The following RECK variants were observed in gnomAD, a reference collection of about 807,000 sequenced individuals.
RECK encodes the protein reversion-inducing cysteine-rich protein with Kazal motifs.
Under a neutral mutation model 115.1 loss-of-function variants are expected in RECK, and 69 were observed. That is an observed-to-expected ratio of 0.60 (90% CI 0.49 to 0.73). The LOEUF (loss-of-function observed/expected upper bound fraction) is 0.73, where lower values mean the gene tolerates loss of function less well. RECK is among the 30% of genes least tolerant of loss of function. The pLI is 0.00. For missense variants in RECK, 1,047 were observed against 1,203.7 expected, an observed-to-expected ratio of 0.87 and a Z score of 1.93; for synonymous variants, 414 against 419.7, an observed-to-expected ratio of 0.99 and a Z score of 0.17.
At chr9:36,106,218 A>G (rs1823807597) in intron 13 of RECK, among the ~76,000 whole-genome samples, 1 of 151,550 alleles carries the variant, frequency 6.6e-6, no homozygotes, top group African/African-American at 2.4e-5. Context: ...TCAAAAAAAA[A>G]AAAAAAAGAT....
At chr9:36,082,152 TTCTCTCTC>T (rs71508008) in intron 7 of RECK, among the ~76,000 whole-genome samples, 2,595 of 113,706 alleles carry the variant, frequency 0.023, 84 homozygotes, top group African/African-American at 0.076. Flanking sequence ...CCTCCCTGCT[TTCTCTCTC>T]TCTCTCTCTC....
At chr9:36,102,772 G>C (rs1390462950) in intron 12 of RECK, among the ~76,000 whole-genome samples, 2 of 151,878 alleles carry the variant, frequency 1.3e-5, no homozygotes, top group African/African-American at 4.8e-5. Flanking sequence ...TGGCTGACAT[G>C]GTGAGACCCC....
intron 1 of RECK, among the ~76,000 whole-genome samples, chr9:36,046,549 G>A (rs139469796): frequency 6.6e-6 from 1 of 152,330 alleles, no homozygotes; most frequent in Non-Finnish European, 1.5e-5. Flanking sequence ...CCCCTGTCCT[G>A]TTCGTGGAGA....
intron 12 of RECK, among the ~76,000 whole-genome samples, chr9:36,104,326 ATTTTTTTTTTTTTTTT>A (rs869033299): frequency 3.6e-5 from 1 of 27,508 alleles, no homozygotes; most frequent in African/African-American, 2.1e-4. Context: ...ATATATATAT[ATTTTTTTTTTTTTTTT>A]TTTTTTTTTT....
chr9:36,055,162 G>A (rs1436960493), intron 2 of RECK, among the ~76,000 whole-genome samples: 2 of 152,234 alleles, frequency 1.3e-5, no homozygotes, highest in South Asian at 2.1e-4. Flanking sequence ...ATTCTAGTAT[G>A]TATTCTGAAT....
chr9:36,100,395 T>C lies in RECK; in HGVS notation c.1150T>C (p.Leu384=). The C allele has an allele frequency of 1.2e-6, 2 of 1,614,128 alleles. No individual in the cohort carries two copies. Among genetic ancestry groups the C allele is most frequent in the Non-Finnish European group, 1.7e-6 (2 of 1,180,010 alleles). Residue 384 remains leucine, a synonymous_variant, in exon 11 of 21, where the codon TTG becomes CTG. Coordinates refer to ENST00000377966, the MANE Select transcript of RECK (RefSeq NM_021111.3). Reference sequence around the variant, plus strand: ...TCAAGGAGCCATGAATGACATGAAGTTGTGGGAGAAAGGAAGCATAAAGAT... The same window carrying C: ...TCAAGGAGCCATGAATGACATGAAGCTGTGGGAGAAAGGAAGCATAAAGAT... The part of the protein sequence containing the change: ...SDQGAMNDMK[L]WEKGSIKMPF...
chr9:36,049,177 A>G (rs923922733), intron 1 of RECK, among the ~76,000 whole-genome samples: 6 of 152,192 alleles, frequency 3.9e-5, no homozygotes, highest in Admixed American at 3.3e-4. Context: ...CAGTACATCA[A>G]TGTGTTCAAC....
chr9:36,121,441 G>T, intron 19 of RECK, 92 bp from the exon 20 acceptor site: 2 of 1,251,908 alleles, frequency 1.6e-6, no homozygotes, highest in Non-Finnish European at 2.2e-6. Flanking sequence ...GCGGTCAAAA[G>T]AGCCTCCTCA....
At chr9:36,076,027 G>A (rs1427793865) in intron 6 of RECK, among the ~76,000 whole-genome samples, 2 of 152,140 alleles carry the variant, frequency 1.3e-5, no homozygotes, top group African/African-American at 4.8e-5. Flanking sequence ...ATTGAAACAA[G>A]TGGACAAATG....
chr9:36,116,437 C>G (rs774728479), intron 16 of RECK, among the ~76,000 whole-genome samples: 2 of 152,168 alleles, frequency 1.3e-5, no homozygotes, highest in Non-Finnish European at 2.9e-5. Flanking sequence ...GAGGCCTTTT[C>G]TTAAGGTAGA....
At position 36,037,046 on chromosome 9, in the gene RECK, G is replaced by A; in HGVS notation, c.48G>A (p.Leu16=). The A allele has an allele frequency of 7.1e-7, 1 of 1,404,964 alleles. No homozygotes were observed. Among genetic ancestry groups the A allele is most frequent in the Non-Finnish European group, 9.3e-7 (1 of 1,073,930 alleles). The allele number at this position is 1,404,964 out of a possible 1,614,324, so 87.0% of individuals were successfully genotyped here. Residue 16 remains leucine, a synonymous_variant, in exon 1 of 21, where the codon CTG becomes CTA. Coordinates refer to ENST00000377966, the MANE Select transcript of RECK (RefSeq NM_021111.3). ...ASLRGALLLL[L]AVAGVAEVAG... ...TGCGAGGTGCGCTGCTCCTTCTGCTGGCCGTGGCGGGGGTCGCGGAGGTGG... is the reference window on the plus strand; with the variant it reads ...TGCGAGGTGCGCTGCTCCTTCTGCTAGCCGTGGCGGGGGTCGCGGAGGTGG...
intron 6 of RECK, among the ~76,000 whole-genome samples, chr9:36,076,287 A>G (rs1255026076): frequency 6.6e-6 from 1 of 152,194 alleles, no homozygotes; most frequent in African/African-American, 2.4e-5. Flanking sequence ...CCAGTTTCCT[A>G]TTTTAAAAAT....
At chr9:36,120,886 T>C in intron 19 of RECK, 150 bp downstream of exon 19, 2 of 623,312 alleles carry the variant, frequency 3.2e-6, no homozygotes, top group East Asian at 5.7e-5. Context: ...CCTTAATCAG[T>C]AGGACGAGGG....
chr9:36,118,992 C>T (rs768428115), intron 18 of RECK, 25 bp downstream of exon 18: 3 of 1,599,466 alleles, frequency 1.9e-6, no homozygotes, highest in East Asian at 4.5e-5. Flanking sequence ...TCGGGGTGGA[C>T]AGGGGAGGAC....
chr9:36,112,423 A>G lies in RECK; in HGVS notation c.2007A>G (p.Gly669=). ...TCCAAGACCATCAGTTTGAGTTTGGATCATGCATGTCAAAGGATCCATGTA... is the reference window on the plus strand; with the variant it reads ...TCCAAGACCATCAGTTTGAGTTTGGGTCATGCATGTCAAAGGATCCATGTA... ...VGLQDHQFEF[G]SCMSKDPCNP... The change falls in exon 16 of 21, where the codon GGA becomes GGG. Residue 669 remains glycine (G), a synonymous_variant. Coordinates refer to ENST00000377966, the MANE Select transcript of RECK (RefSeq NM_021111.3). 6.2e-7 allele frequency: 1 copy of G among 1,614,150 alleles called. No homozygotes were observed. Among genetic ancestry groups the G allele is most frequent in the Non-Finnish European group, 8.5e-7 (1 of 1,180,052 alleles).
rs16932878 is a variant in RECK at position 36,061,527 on chromosome 9, G to A, written c.271+1372G>A. Among the ~76,000 whole-genome samples, 1,142 of 151,980 alleles carry A rather than the reference G, an allele frequency of 7.5e-3. 11 individuals carry two copies. The highest frequency in any genetic ancestry group is 0.024 in the African/African-American group (1,011 of 41,408). On this transcript the variant is annotated intron_variant, in intron 4 of 20. Transcript: ENST00000377966. ...CATAGCCCACATAACACCTAACAGA[G>A]TGCCTTGTACATAGTAGGACCTTAG...
At chr9:36,103,585 A>T (rs755698676) in intron 12 of RECK, among the ~76,000 whole-genome samples, 1 of 152,252 alleles carries the variant, frequency 6.6e-6, no homozygotes, top group African/African-American at 2.4e-5. Context: ...TTGCGGCCCT[A>T]AGTAAAATTG....
intron 18 of RECK, among the ~76,000 whole-genome samples, chr9:36,119,285 C>G (rs1213571523): frequency 2.6e-5 from 4 of 152,128 alleles, no homozygotes; most frequent in Non-Finnish European, 5.9e-5. Context: ...ATAATGTTTA[C>G]TTATTACAAA....
rs1361686753 is a variant in RECK at position 36,112,388 on chromosome 9, T to G, written c.1972T>G (p.Cys658Gly). 6.2e-7 allele frequency: 1 copy of G among 1,613,942 alleles called. No individual in the cohort carries two copies. The highest frequency in any genetic ancestry group is 1.3e-5 in the African/African-American group (1 of 74,932). Residue 658 changes from cysteine (C) to glycine (G), a missense_variant, in exon 16 of 21, where the codon TGT becomes GGT. Transcript: ENST00000377966. ...RTYPSACIAR[C>G]VGLQDHQFEF... ...TTACCCCAGTGCCTGCATTGCTCGC[T>G]GTGTGGGCCTCCAAGACCATCAGTT... is the stretch of plus-strand genomic sequence containing the variant.
Sources: allele counts gnomAD v4.1 joint callset (sites outside exome capture counted in the v4.1 genomes callset), GRCh38; gene constraint gnomAD v4.1.1; transcripts MANE v1.5; gene names NCBI Gene and HGNC (gene_info 2026-07-23, HGNC 2026-07-21).